Variants in CHP2 observed in about 807,000 individuals in gnomAD.
CHP2 encodes calcineurin like EF-hand protein 2, also known as calcineurin B homologous protein 2.
CHP2 carries 31 observed loss-of-function variants against 24.7 expected under a neutral mutation model. The observed-to-expected ratio is 1.26, with a 90% CI of 0.94 to 1.69. The LOEUF (loss-of-function observed/expected upper bound fraction) is 1.69. CHP2 is among the 40% of genes most tolerant of loss of function. CHP2 has a pLI of 0.00. For missense variants in CHP2, 319 were observed against 261.5 expected (o/e 1.22, Z -1.52); for synonymous variants, 97 against 99.1 (o/e 0.98, Z 0.13).
At chr16:23,755,769 G>A (rs1961213814) in intron 2 of CHP2, 36 bp downstream of exon 2, 1 of 1,613,464 alleles carries the variant, frequency 6.2e-7, no homozygotes, top group African/African-American at 1.3e-5. Context: ...TCTGGCCTCT[G>A]TCTCTCTGAC....
At chr16:23,755,296 G>A (rs113290753) in intron 1 of CHP2, 180 bp downstream of exon 1, 6,977 of 599,530 alleles carry the variant, frequency 0.012, 366 homozygotes, top group African/African-American at 0.11. Flanking sequence ...GGTTAACCTA[G>A]GGGTCCCAGC....
At position 23,755,708 on chromosome 16, in the gene CHP2, G is replaced by C. The variant is rs931013576; in HGVS notation, c.115G>C (p.Asp39His). The C allele has an allele frequency of 1.2e-6, 2 of 1,614,158 alleles. No homozygotes were observed. The highest frequency in any genetic ancestry group is 1.7e-6 in the Non-Finnish European group (2 of 1,180,030). ...LRLHHRFRAL[D>H]RNKKGYLSRM... ...CCTGCACCACCGGTTCCGGGCACTG[G>C]ACAGGAATAAGAAGGGCTACCTGAG... The change falls in exon 2 of 7, where the codon GAC becomes CAC. Residue 39 changes from aspartate (D) to histidine (H), a missense_variant. Asp to His is a moderately conservative substitution (Grantham distance 81, BLOSUM62 -1). Transcript: ENST00000300113.
At chr16:23,756,520 A>G in intron 5 of CHP2, 71 bp downstream of exon 5, 2 of 1,319,210 alleles carry the variant, frequency 1.5e-6, no homozygotes, top group Non-Finnish European at 2.2e-6. Context: ...GGTGTGAGAG[A>G]TGGGGTGGGA....
Position 23,757,880 on chromosome 16 carries a change from T to C in CHP2, c.*297T>C. ...TTTCTATTATGATTACATTGTAATA[T>C]ATAATGAAATAATTATACAACTCAC... On this transcript the variant is annotated 3_prime_UTR_variant, in exon 7 of 7. Coordinates refer to ENST00000300113, the MANE Select transcript of CHP2 (RefSeq NM_022097.4). 2.3e-6 allele frequency: 1 copy of C among 431,744 alleles called. No individual in the cohort carries two copies. Among genetic ancestry groups the C allele is most frequent in the South Asian group, 2.2e-5 (1 of 44,576 alleles). The allele number at this position is 431,744 out of a possible 1,614,324, so 26.7% of individuals were successfully genotyped here.
chr16:23,756,056 T>G lies in CHP2; in HGVS notation c.222-7T>G, dbSNP rs1241266360. On this transcript the variant is annotated splice_region_variant and splice_polypyrimidine_tract_variant and intron_variant, in intron 3 of 6. Coordinates refer to ENST00000300113, the MANE Select transcript of CHP2 (RefSeq NM_022097.4). ...CCACCTCTTTCCATTCTGTCCCGTC[T>G]CCCCAGGAGCCAGCGAGTGGATTTC... 5 of 1,613,752 alleles carry G rather than the reference T, an allele frequency of 3.1e-6. No individual in the cohort carries two copies. The African/African-American group carries it at 6.7e-5, about 22-fold the overall frequency.
chr16:23,755,264 T>C, intron 1 of CHP2, 148 bp downstream of exon 1: 1 of 618,198 alleles, frequency 1.6e-6, no homozygotes, highest in South Asian at 2.0e-5. Context: ...CCCCTGTGCC[T>C]GGGATCGCTG....
In CHP2 at chr16:23,756,087, C is replaced by T. The variant is rs374195990; in HGVS notation, c.246C>T (p.Gly82=). 89 of 1,614,004 alleles carry T rather than the reference C, an allele frequency of 5.5e-5. No homozygotes were observed. Among genetic ancestry groups the T allele is most frequent in the Admixed American group, 8.3e-5 (5 of 59,990 alleles). The change falls in exon 4 of 7, where the codon GGC becomes GGT. Residue 82 remains glycine (G), a synonymous_variant. Transcript: ENST00000300113. ...GGAGCCAGCGAGTGGATTTCCCAGGCTTTGTCAGGGTCTTGGCTCATTTTC... is the reference window on the plus strand; with the variant it reads ...GGAGCCAGCGAGTGGATTTCCCAGGTTTTGTCAGGGTCTTGGCTCATTTTC... ...PDGSQRVDFP[G]FVRVLAHFRP... is the part of the protein sequence containing the mutation.
chr16:23,757,647 C>T lies in CHP2; in HGVS notation c.*64C>T, dbSNP rs1961246123. 1.5e-5 allele frequency: 19 copies of T among 1,278,170 alleles called. No individual in the cohort carries two copies. The highest frequency in any genetic ancestry group is 1.9e-5 in the Non-Finnish European group (17 of 873,232). The allele number at this position is 1,278,170 out of a possible 1,614,324, so 79.2% of individuals were successfully genotyped here. A position where few individuals can be genotyped will look rare whatever the true frequency, so the allele number is the denominator to read the frequency against. Reference sequence around the variant, plus strand: ...CTCCTTGGAATTCATCCAAAGCCCCCATGGACGCATGGACGCAGGGCGACA... The same window carrying T: ...CTCCTTGGAATTCATCCAAAGCCCCTATGGACGCATGGACGCAGGGCGACA... On this transcript the variant is annotated 3_prime_UTR_variant, in exon 7 of 7. Transcript: ENST00000300113.
intron 1 of CHP2, 81 bp downstream of exon 1, chr16:23,755,197 G>A: frequency 1.9e-6 from 2 of 1,039,072 alleles, no homozygotes; most frequent in South Asian, 2.8e-5. Flanking sequence ...TTGGGTTGAA[G>A]GATGGACGAA....
chr16:23,757,570 G>A lies in CHP2; in HGVS notation c.578G>A (p.Arg193Gln), dbSNP rs751008002. ...KMDVEQKMSIRILK is the reference protein window; with the variant it reads ...KMDVEQKMSIQILK ...GACGTTGAGCAAAAAATGAGCATCC[G>A]GATCCTGAAGTGACTCCGTTTGTGC... The change falls in exon 7 of 7, where the codon CGG becomes CAG. Residue 193 changes from arginine (R) to glutamine (Q), a missense_variant. By Grantham distance (43) the Arg-to-Gln change is conservative. Coordinates refer to ENST00000300113, the MANE Select transcript of CHP2 (RefSeq NM_022097.4). 53 of 1,614,032 alleles carry A rather than the reference G, an allele frequency of 3.3e-5. No homozygotes were observed. Among genetic ancestry groups the A allele is most frequent in the South Asian group, 3.2e-4 (29 of 91,082 alleles).
chr16:23,758,822 G>A lies in CHP2; in HGVS notation c.*1239G>A, dbSNP rs1392193788. 1.3e-5 allele frequency: 2 copies of A among 152,302 alleles called. No individual in the cohort carries two copies. The highest frequency in any genetic ancestry group is 2.4e-5 in the African/African-American group (1 of 41,462). The allele number at this position is 152,302 out of a possible 1,614,324, so 9.4% of individuals were successfully genotyped here. ...ATGCCCATTACTGTGAGGGACCCTT[G>A]AAGTCTGGACTCTTAAATGGGTTTT... is the stretch of plus-strand genomic sequence containing the variant. On this transcript the variant is annotated 3_prime_UTR_variant, in exon 7 of 7. Coordinates refer to ENST00000300113, the MANE Select transcript of CHP2 (RefSeq NM_022097.4).
rs1961246315 is a variant in CHP2, at chr16:23,757,655, C to T, written c.*72C>T. On this transcript the variant is annotated 3_prime_UTR_variant, in exon 7 of 7. Transcript: ENST00000300113. Reference sequence around the variant, plus strand: ...AATTCATCCAAAGCCCCCATGGACGCATGGACGCAGGGCGACAATAAACTG... The same window carrying T: ...AATTCATCCAAAGCCCCCATGGACGTATGGACGCAGGGCGACAATAAACTG... 1 of 1,295,524 alleles carries T rather than the reference C, an allele frequency of 7.7e-7. No homozygotes were observed. Among genetic ancestry groups the T allele is most frequent in the Non-Finnish European group, 1.1e-6 (1 of 889,094 alleles). 80.3% of individuals were successfully genotyped at this position (1,295,524 alleles called of 1,614,324 possible). A position where few individuals can be genotyped will look rare whatever the true frequency, so the allele number is the denominator to read the frequency against.
At position 23,757,618 on chromosome 16, in the gene CHP2, G is replaced by A. The variant is rs1961245738; in HGVS notation, c.*35G>A. The stretch of plus-strand genomic sequence containing the variant: ...TGCCTTGGGCTTGCTCCTGCAACCA[G>A]TATCTCCTTGGAATTCATCCAAAGC... On this transcript the variant is annotated 3_prime_UTR_variant, in exon 7 of 7. Coordinates refer to ENST00000300113, the MANE Select transcript of CHP2 (RefSeq NM_022097.4). 6.3e-7 allele frequency: 1 copy of A among 1,587,374 alleles called. No individual in the cohort carries two copies.
At chr16:23,755,151 C>A in intron 1 of CHP2, 35 bp downstream of exon 1, 3 of 1,521,158 alleles carry the variant, frequency 2.0e-6, no homozygotes, top group South Asian at 1.1e-5. Context: ...GCGGAGGGGA[C>A]GGGGCGAACC....
Position 23,756,102 on chromosome 16 carries a change from G to A in CHP2, c.261G>A (p.Leu87=). Residue 87 remains leucine (L), a synonymous_variant, in exon 4 of 7, where the codon TTG becomes TTA. Coordinates refer to ENST00000300113, the MANE Select transcript of CHP2 (RefSeq NM_022097.4). ...ATTTCCCAGGCTTTGTCAGGGTCTT[G>A]GCTCATTTTCGCCCTGTAGAAGATG... ...RVDFPGFVRV[L]AHFRPVEDED... The A allele has an allele frequency of 6.2e-7, 1 of 1,614,070 alleles. No homozygotes were observed. The highest frequency in any genetic ancestry group is 8.5e-7 in the Non-Finnish European group (1 of 1,179,992).
intron 5 of CHP2, 36 bp from the exon 6 acceptor site, chr16:23,757,165 C>T (rs1961236848): frequency 6.2e-7 from 1 of 1,613,538 alleles, no homozygotes; most frequent in Non-Finnish European, 8.5e-7. Context: ...GCCTTCGTGC[C>T]CCCTCCTTAT....
chr16:23,755,271 G>T (rs958476947), intron 1 of CHP2, 155 bp downstream of exon 1: 35 of 613,112 alleles, frequency 5.7e-5, no homozygotes, highest in Non-Finnish European at 9.6e-5. Context: ...GCCTGGGATC[G>T]CTGGGTTAGG....
Position 23,756,429 on chromosome 16 carries a change from T to C in CHP2, c.394T>C (p.Ser132Pro), listed in dbSNP as rs1227396296. Reference protein sequence around the residue: ...LYDLDRDGKISRHEMLQVLRL... With the variant: ...LYDLDRDGKIPRHEMLQVLRL... The stretch of plus-strand genomic sequence containing the variant: ...TGACCTGGATCGCGATGGGAAGATC[T>C]CCAGGCATGAGATGCTGCAGGTTGG... Residue 132 changes from serine (S) to proline (P), a missense_variant, in exon 5 of 7, where the codon TCC (serine) becomes CCC (proline). Ser to Pro is a moderately conservative substitution (Grantham distance 74). Transcript: ENST00000300113. 2 of 1,613,904 alleles carry C rather than the reference T, an allele frequency of 1.2e-6. No individual in the cohort carries two copies. Among genetic ancestry groups the C allele is most frequent in the Admixed American group, 3.3e-5 (2 of 60,010 alleles).
rs767052644 is a variant in CHP2 at position 23,755,920 on chromosome 16, C to T, written c.214C>T (p.Pro72Ser). 1.9e-6 allele frequency: 3 copies of T among 1,614,162 alleles called. No individual in the cohort carries two copies. The South Asian group carries it at 3.3e-5, about 18-fold the overall frequency. Residue 72 changes from proline (P) to serine (S), a missense_variant, in exon 3 of 7, where the codon CCC (proline) becomes TCC (serine). Transcript: ENST00000300113. ...AGACCGAATTATAGAAAGCTTCTTC[C>T]CCGATGGGTGAGGCTTGCTGGGCGT... ...LGDRIIESFFPDGSQRVDFPG... is the reference protein window; with the variant it reads ...LGDRIIESFFSDGSQRVDFPG...
Sources: allele counts gnomAD v4.1 joint callset, GRCh38; gene constraint gnomAD v4.1.1; transcripts MANE v1.5; gene names NCBI Gene and HGNC (gene_info 2026-07-23, HGNC 2026-07-21).